PLG: variants seen among roughly 807,000 people sequenced by gnomAD.
PLG encodes the protein plasmin.
In PLG, 41 loss-of-function variants were observed where a neutral mutation model predicts 104.4. That is an observed-to-expected ratio of 0.39 (90% CI 0.31 to 0.51). The LOEUF (loss-of-function observed/expected upper bound fraction) is 0.51, where lower values mean the gene tolerates loss of function less well. Ranked by LOEUF, PLG falls within the 20% of genes least tolerant of loss-of-function variation. The pLI is 0.76. For missense variants in PLG, 891 were observed against 1,003.6 expected (o/e 0.89, Z 1.52); for synonymous variants, 337 against 357.1 (o/e 0.94, Z 0.63).
In PLG at chr6:160,748,374, A is replaced by G. The variant is rs189523634; in HGVS notation, c.2126-3741A>G. 9.9e-3 allele frequency among the ~76,000 whole-genome samples: 545 copies of G among 55,064 alleles called. 3 individuals carry two copies. The highest frequency in any genetic ancestry group is 0.021 in the African/African-American group (319 of 14,900). 36.1% of individuals were successfully genotyped at this position (55,064 alleles called of 152,430 possible). A position where few individuals can be genotyped will look rare whatever the true frequency, so the allele number is the denominator to read the frequency against. Reference sequence around the variant, plus strand: ...AGAGAAAGAAAGAAAGAAAGAAAGAAAGAAAGAAAGAAAGAAAGAAAGAAA... The same window carrying G: ...AGAGAAAGAAAGAAAGAAAGAAAGAGAGAAAGAAAGAAAGAAAGAAAGAAA... On this transcript the variant is annotated intron_variant, in intron 17 of 18. Transcript: ENST00000308192.
Position 160,738,629 on chromosome 6 carries a change from A to G in PLG, c.1877+17A>G, listed in dbSNP as rs1778130562. The stretch of plus-strand genomic sequence containing the variant: ...CTTGGAGAAGTATGTTTAGGGGACA[A>G]TTGACATGAAGTCTTGTCTTAAATA... On this transcript the variant is annotated intron_variant, in intron 15 of 18. Transcript: ENST00000308192. This position sits in a 1 kb window ranked among gnomAD's most constrained non-coding sequence, Gnocchi z 6.8. 1.3e-5 allele frequency: 19 copies of G among 1,501,264 alleles called. No individual in the cohort carries two copies. Among genetic ancestry groups the G allele is most frequent in the Non-Finnish European group, 1.7e-5 (18 of 1,076,886 alleles). 93.0% of individuals were successfully genotyped at this position (1,501,264 alleles called of 1,614,324 possible).
intron 17 of PLG, among the ~76,000 whole-genome samples, chr6:160,743,011 C>CTT (rs3028193): frequency 2.0e-4 from 28 of 140,626 alleles, no homozygotes; most frequent in Non-Finnish European, 1.4e-4. Flanking sequence ...GTCTACGTGT[C>CTT]TTTTTTTTTT....
chr6:160,748,402 A>AAG (rs1491503824), intron 17 of PLG, among the ~76,000 whole-genome samples: 1 of 18,674 alleles, frequency 5.4e-5, no homozygotes, highest in Non-Finnish European at 1.2e-4. Context: ...GAAAGAAAGG[A>AAG]AGAAAGAAAG....
intron 17 of PLG, among the ~76,000 whole-genome samples, chr6:160,743,780 G>A (rs543007216): frequency 2.0e-4 from 30 of 152,306 alleles, no homozygotes; most frequent in African/African-American, 7.2e-4. Flanking sequence ...CATTTAGTAT[G>A]ATGTTGGCTG....
intron 17 of PLG, among the ~76,000 whole-genome samples, chr6:160,749,357 C>T (rs374687283): frequency 6.6e-6 from 1 of 151,078 alleles, no homozygotes; most frequent in East Asian, 2.0e-4. Context: ...ATTACCACCA[C>T]CACCATTGTC....
chr6:160,713,496 C>T (rs1434810379), intron 5 of PLG: 9 of 257,506 alleles, frequency 3.5e-5, no homozygotes, highest in South Asian at 1.8e-4. Flanking sequence ...CTTGAACTCT[C>T]GACCTCAGGT....
At chr6:160,746,597 CTT>C (rs1778281367) in intron 17 of PLG, among the ~76,000 whole-genome samples, 1 of 152,198 alleles carries the variant, frequency 6.6e-6, no homozygotes, top group African/African-American at 2.4e-5. Flanking sequence ...TCTTGATGAT[CTT>C]CATTCCTATC....
Position 160,719,864 on chromosome 6 carries a change from C to G in PLG, c.1096+1026C>G, listed in dbSNP as rs1777800780. On this transcript the variant is annotated intron_variant, in intron 9 of 18. Transcript: ENST00000308192. This position sits in a 1 kb window ranked among gnomAD's most constrained non-coding sequence, Gnocchi z 4.1. ...TCACAGATCTCACAATACATTGACA[C>G]TATTTTTGCCCTAATAGTTGTGTTT... Among the ~76,000 whole-genome samples the G allele has an allele frequency of 1.3e-5, 2 of 151,890 alleles. No homozygotes were observed. Among genetic ancestry groups the G allele is most frequent in the Admixed American group, 1.3e-4 (2 of 15,264 alleles).
In PLG at chr6:160,740,637, C is replaced by T. The variant is rs762485559; in HGVS notation, c.2019-674C>T. 7.2e-5 allele frequency among the ~76,000 whole-genome samples: 11 copies of T among 152,170 alleles called. No homozygotes were observed. Among genetic ancestry groups the T allele is most frequent in the South Asian group, 6.2e-4 (3 of 4,826 alleles). On this transcript the variant is annotated intron_variant, in intron 16 of 18. Transcript: ENST00000308192. The surrounding 1 kb of genome is among the most constrained non-coding windows in gnomAD (Gnocchi z 5.2). ...GATCAGAATAGGGCATTTCTTATTT[C>T]CAATCCTTTATCCTCTTGAACTTAC...
chr6:160,750,081 T>C (rs74686645), intron 17 of PLG, among the ~76,000 whole-genome samples: 4,492 of 152,312 alleles, frequency 0.029, 258 homozygotes, highest in African/African-American at 0.1. Context: ...AATAATGACA[T>C]TGAAGCAATG....
chr6:160,720,774 G>A (rs1450138484), intron 9 of PLG, among the ~76,000 whole-genome samples: 6 of 152,118 alleles, frequency 3.9e-5, no homozygotes, highest in East Asian at 3.9e-4. Flanking sequence ...CTGTTCAAAC[G>A]TTTCTTTTTG....
rs1777880739 is a variant in PLG, at chr6:160,723,672, A to G, written c.1256+1105A>G. On this transcript the variant is annotated intron_variant, in intron 10 of 18. Transcript: ENST00000308192. This position sits in a 1 kb window ranked among gnomAD's most constrained non-coding sequence, Gnocchi z 4.7. ...AAAGTCCTCAAGTCTTTGGCTAAAT[A>G]GAAAGCTGCATATGCACAGGGAGAG... 6.6e-6 allele frequency among the ~76,000 whole-genome samples: 1 copy of G among 152,238 alleles called. No individual in the cohort carries two copies. The highest frequency in any genetic ancestry group is 1.5e-5 in the Non-Finnish European group (1 of 68,042).
Position 160,739,047 on chromosome 6 carries a change from T to C in PLG, c.1878-21T>C. On this transcript the variant is annotated intron_variant, in intron 15 of 18. Transcript: ENST00000308192. The surrounding 1 kb of genome is among the most constrained non-coding windows in gnomAD (Gnocchi z 4.4). ...AAGGGGCTGGACCATATTTTCCTCT[T>C]GACGTCCTCATCTTTTCTAGGTCCC... 1.2e-6 allele frequency: 2 copies of C among 1,613,876 alleles called. No individual in the cohort carries two copies.
At chr6:160,715,025 G>T (rs1006351878) in intron 6 of PLG, 111 bp downstream of exon 6, 51 of 1,117,584 alleles carry the variant, frequency 4.6e-5, no homozygotes, top group Non-Finnish European at 6.1e-5. Flanking sequence ...AACGCCTGAT[G>T]TTTTTAATTT....
At chr6:160,704,893 C>A (rs1016814374) in intron 1 of PLG, among the ~76,000 whole-genome samples, 1 of 152,146 alleles carries the variant, frequency 6.6e-6, no homozygotes, top group Admixed American at 6.5e-5. Context: ...AAAATCTGTT[C>A]ATTTGCTTTC....
rs886162397 is a variant in PLG, at chr6:160,735,020, G to A, written c.1681+932G>A. Among the ~76,000 whole-genome samples the A allele has an allele frequency of 2.6e-5, 4 of 152,138 alleles. No homozygotes were observed. The highest frequency in any genetic ancestry group is 4.8e-5 in the African/African-American group (2 of 41,422). ...CATGGGAGCCACACTGCCCAGCTTC[G>A]CATTTGGGCTTCTCCTAGGGACACC... On this transcript the variant is annotated intron_variant, in intron 13 of 18. Coordinates refer to ENST00000308192, the MANE Select transcript of PLG (RefSeq NM_000301.5). The surrounding 1 kb of genome is among the most constrained non-coding windows in gnomAD (Gnocchi z 5.4).
chr6:160,722,132 T>G (rs1777840589), intron 9 of PLG, among the ~76,000 whole-genome samples: 1 of 152,180 alleles, frequency 6.6e-6, no homozygotes, highest in African/African-American at 2.4e-5. Context: ...GAACACTCAG[T>G]AGGGACCCAT....
Position 160,713,093 on chromosome 6 carries a change from G to A in PLG, c.515G>A (p.Arg172Lys). Residue 172 changes from arginine to lysine, a missense_variant, in exon 5 of 19, where the codon AGA (arginine) becomes AAA (lysine). By Grantham distance (26) the Arg-to-Lys change is conservative. Transcript: ENST00000308192. ...PWCYTTDPEK[R>K]YDYCDILECE... ...TGCTATACTACTGATCCAGAAAAGAGATATGACTACTGCGACATTCTTGAG... is the reference window on the plus strand; with the variant it reads ...TGCTATACTACTGATCCAGAAAAGAAATATGACTACTGCGACATTCTTGAG... 1 of 1,610,796 alleles carries A rather than the reference G, an allele frequency of 6.2e-7. No homozygotes were observed.
In PLG at chr6:160,731,968, G is replaced by C. The variant is rs1008795501; in HGVS notation, c.1587+75G>C. 8 of 1,490,232 alleles carry C rather than the reference G, an allele frequency of 5.4e-6. No individual in the cohort carries two copies. The African/African-American group carries it at 1.1e-4, about 21-fold the overall frequency. The allele number at this position is 1,490,232 out of a possible 1,614,324, so 92.3% of individuals were successfully genotyped here. On this transcript the variant is annotated intron_variant, in intron 12 of 18. Coordinates refer to ENST00000308192, the MANE Select transcript of PLG (RefSeq NM_000301.5). The surrounding 1 kb of genome is among the most constrained non-coding windows in gnomAD (Gnocchi z 5.1). Reference sequence around the variant, plus strand: ...CAAACAGAATTGGTTCTGTGTTACAGAAAATCTGACCTGGACTGCTCTTTT... The same window carrying C: ...CAAACAGAATTGGTTCTGTGTTACACAAAATCTGACCTGGACTGCTCTTTT...
Sources: allele counts gnomAD v4.1 joint callset (sites outside exome capture counted in the v4.1 genomes callset), GRCh38; gene constraint gnomAD v4.1.1; non-coding constraint Gnocchi (gnomAD v3.1); transcripts MANE v1.5; gene names NCBI Gene and HGNC (gene_info 2026-07-23, HGNC 2026-07-21).